NDUFS4: variants seen among roughly 807,000 people sequenced by gnomAD.
The protein encoded by NDUFS4 is NADH dehydrogenase [ubiquinone] iron-sulfur protein 4, mitochondrial.
A neutral mutation model predicts 24.3 loss-of-function variants in NDUFS4; 28 were observed. That is an observed-to-expected ratio of 1.15 (90% CI 0.85 to 1.58). The LOEUF (loss-of-function observed/expected upper bound fraction) is 1.58, where lower values mean the gene tolerates loss of function less well. Ranked by LOEUF, NDUFS4 falls within the 40% of genes most tolerant of loss-of-function variation. NDUFS4 has a pLI of 0.00. For synonymous variants in NDUFS4, 93 were observed against 69.7 expected (o/e 1.34, Z -1.67); for missense variants, 223 against 207.9 (o/e 1.07, Z -0.45).
chr5:53,647,447 G>T (rs1208083693), intron 3 of NDUFS4, among the ~76,000 whole-genome samples: 1 of 152,020 alleles, frequency 6.6e-6, no homozygotes, highest in Non-Finnish European at 1.5e-5. Context: ...CGAACTCCGG[G>T]CTTCAAGCGA....
chr5:53,617,903 C>T (rs1750896814), intron 2 of NDUFS4, among the ~76,000 whole-genome samples: 1 of 152,122 alleles, frequency 6.6e-6, no homozygotes, highest in African/African-American at 2.4e-5. Flanking sequence ...GTTATTTAAC[C>T]TCTGTGAGTG....
intron 2 of NDUFS4, among the ~76,000 whole-genome samples, chr5:53,605,815 C>T (rs1750479704): frequency 6.6e-6 from 1 of 151,956 alleles, no homozygotes; most frequent in African/African-American, 2.4e-5. Flanking sequence ...GAGATCGAGA[C>T]CATCCTGGCT....
intron 1 of NDUFS4, among the ~76,000 whole-genome samples, chr5:53,575,530 C>CTTT (rs36051026): frequency 6.6e-5 from 5 of 76,156 alleles, no homozygotes; most frequent in Non-Finnish European, 8.9e-5. Flanking sequence ...TGATCAGATT[C>CTTT]TTTTTTTTTT....
At chr5:53,653,208 A>G (rs139950271) in intron 3 of NDUFS4, among the ~76,000 whole-genome samples, 2 of 152,270 alleles carry the variant, frequency 1.3e-5, no homozygotes, top group African/African-American at 4.8e-5. Context: ...TTCTGGAAAC[A>G]AGGATTTGTT....
intron 2 of NDUFS4, among the ~76,000 whole-genome samples, chr5:53,635,228 C>CA (rs1751515472): frequency 6.6e-6 from 1 of 150,940 alleles, no homozygotes; most frequent in East Asian, 1.9e-4. Flanking sequence ...ACCAACCAAC[C>CA]AAAAAATCCA....
At chr5:53,676,760 T>G (rs1290019269) in intron 4 of NDUFS4, among the ~76,000 whole-genome samples, 4 of 152,224 alleles carry the variant, frequency 2.6e-5, no homozygotes, top group African/African-American at 9.7e-5. Context: ...TTTTTTGACA[T>G]TCTCCACATG....
chr5:53,625,747 A>AG (rs1751200177), intron 2 of NDUFS4, among the ~76,000 whole-genome samples: 1 of 87,166 alleles, frequency 1.1e-5, no homozygotes, highest in African/African-American at 8.6e-5. Context: ...TGAAATGTTC[A>AG]CTCATTTTGT....
In NDUFS4 at chr5:53,660,269, G is replaced by A. The variant is rs374634132; in HGVS notation, c.424+1645G>A. On this transcript the variant is annotated intron_variant, in intron 4 of 4. Transcript: ENST00000296684. Reference sequence around the variant, plus strand: ...CGGTGTTTGCTTTTTTTGTCCTTGCGATAGTTTGCTGAGAATGATGGTTTC... The same window carrying A: ...CGGTGTTTGCTTTTTTTGTCCTTGCAATAGTTTGCTGAGAATGATGGTTTC... Among the ~76,000 whole-genome samples, 5 of 150,994 alleles carry A rather than the reference G, an allele frequency of 3.3e-5. No homozygotes were observed. In the East Asian group the frequency reaches 7.9e-4, roughly 24 times the overall value.
chr5:53,605,184 A>T (rs1705686652), intron 2 of NDUFS4, among the ~76,000 whole-genome samples: 1 of 152,064 alleles, frequency 6.6e-6, no homozygotes, highest in African/African-American at 2.4e-5. Context: ...TCGCACCATT[A>T]CTCTCCAGCC....
In NDUFS4 at chr5:53,603,470, A is replaced by G. The variant is rs148737893; in HGVS notation, c.117A>G (p.Thr39=). 61 of 1,613,514 alleles carry G rather than the reference A, an allele frequency of 3.8e-5. No homozygotes were observed. Among genetic ancestry groups the G allele is most frequent in the Non-Finnish European group, 4.9e-5 (58 of 1,179,920 alleles). Residue 39 remains threonine (T), a synonymous_variant, in exon 2 of 5, where the codon ACA becomes ACG. Transcript: ENST00000296684. The part of the protein sequence containing the change: ...RVPTRSLRTS[T]WRLAQDQTQD... ...ACTGCAGGTCGTTGAGGACTTCCAC[A>G]TGGAGATTGGCACAGGACCAGACTC... is the stretch of plus-strand genomic sequence containing the variant.
At chr5:53,638,151 A>G (rs1751610229) in intron 2 of NDUFS4, among the ~76,000 whole-genome samples, 2 of 152,120 alleles carry the variant, frequency 1.3e-5, no homozygotes, top group Admixed American at 1.3e-4. Flanking sequence ...TGGAACACTC[A>G]TTAATAATAT....
intron 1 of NDUFS4, among the ~76,000 whole-genome samples, chr5:53,587,932 AAG>A (rs1266960937): frequency 6.6e-6 from 1 of 152,196 alleles, no homozygotes; most frequent in Non-Finnish European, 1.5e-5. Flanking sequence ...TTTCAACCAA[AAG>A]AGTCACATGA....
At chr5:53,663,455 C>G (rs1038308506) in intron 4 of NDUFS4, among the ~76,000 whole-genome samples, 1 of 152,016 alleles carries the variant, frequency 6.6e-6, no homozygotes, top group Non-Finnish European at 1.5e-5. Context: ...ATTGTTATTG[C>G]GTGGGAGTCT....
chr5:53,654,090 C>A (rs959114869), intron 3 of NDUFS4, among the ~76,000 whole-genome samples: 1 of 151,954 alleles, frequency 6.6e-6, no homozygotes, highest in Non-Finnish European at 1.5e-5. Context: ...TCATGATATT[C>A]AACATCCTTA....
chr5:53,586,494 TGTTTAGTTAGTTAGTTA>T (rs1165422039), intron 1 of NDUFS4, among the ~76,000 whole-genome samples: 3 of 139,894 alleles, frequency 2.1e-5, no homozygotes, highest in African/African-American at 8.1e-5. Flanking sequence ...GAAAATGAAT[TGTTTAGTTAGTTAGTTA>T]GTTTGTTTGT....
At chr5:53,619,744 GT>G (rs1047380986) in intron 2 of NDUFS4, among the ~76,000 whole-genome samples, 1 of 151,802 alleles carries the variant, frequency 6.6e-6, no homozygotes, top group African/African-American at 2.4e-5. Context: ...TTGTTTTACA[GT>G]TTTTTATCCT....
At chr5:53,613,932 G>A (rs950180403) in intron 2 of NDUFS4, among the ~76,000 whole-genome samples, 9 of 151,968 alleles carry the variant, frequency 5.9e-5, no homozygotes, top group Non-Finnish European at 1.2e-4. Context: ...AAGTTAATCA[G>A]TAAATAATCA....
At chr5:53,671,780 T>A (rs976803902) in intron 4 of NDUFS4, among the ~76,000 whole-genome samples, 19 of 152,134 alleles carry the variant, frequency 1.2e-4, no homozygotes, top group African/African-American at 4.3e-4. Context: ...AAGACTAGAA[T>A]CTACTACCAT....
At chr5:53,650,929 CTG>C (rs1187138542) in intron 3 of NDUFS4, among the ~76,000 whole-genome samples, 2 of 152,168 alleles carry the variant, frequency 1.3e-5, no homozygotes, top group African/African-American at 4.8e-5. Flanking sequence ...TAAGACAAAA[CTG>C]TAACCTATTG....
Sources: gnomAD v4.1 joint callset for allele counts (sites outside exome capture counted in the v4.1 genomes callset) on GRCh38, gnomAD v4.1.1 for gene constraint, MANE v1.5 for transcripts, NCBI Gene and HGNC (gene_info 2026-07-23, HGNC 2026-07-21) for gene names.